The following BABAM2 variants were observed in gnomAD, a reference collection of about 807,000 sequenced individuals.
BABAM2 encodes the protein BRISC and BRCA1 A complex member 2, also known as BRISC and BRCA1-A complex member 2.
Under a neutral mutation model 54.7 loss-of-function variants are expected in BABAM2, and 31 were observed. The observed-to-expected ratio is 0.57, with a 90% confidence interval of 0.43 to 0.77. The LOEUF is 0.77. Ranked by LOEUF, BABAM2 falls within the 30% of genes least tolerant of loss-of-function variation. BABAM2 has a pLI of 0.00. For missense variants in BABAM2, 364 were observed against 455.8 expected (o/e 0.80, Z 1.83); for synonymous variants, 167 against 162.9 (o/e 1.03, Z -0.19).
intron 10 of BABAM2, among the ~76,000 whole-genome samples, chr2:28,277,385 G>A (rs758827995): frequency 9.9e-5 from 15 of 152,142 alleles, no homozygotes; most frequent in African/African-American, 1.4e-4. Flanking sequence ...GATTACAGAC[G>A]TGAGCCACTG....
Position 28,319,437 on chromosome 2 carries a change from G to A in BABAM2, c.1089-19013G>A, listed in dbSNP as rs561214568. Among the ~76,000 whole-genome samples the A allele has an allele frequency of 6.6e-5, 10 of 152,364 alleles. No individual in the cohort carries two copies. In the East Asian group the frequency reaches 9.6e-4, roughly 15 times the overall value. ...CTCTCTTGGCCTGATGCCTTTGTGCGGGGCAGAAGCTGCACTTCCAAATGC... is the reference window on the plus strand; with the variant it reads ...CTCTCTTGGCCTGATGCCTTTGTGCAGGGCAGAAGCTGCACTTCCAAATGC... On this transcript the variant is annotated intron_variant, in intron 11 of 11. Transcript: ENST00000379624.
chr2:28,159,550 G>A (rs1274236923), intron 7 of BABAM2, among the ~76,000 whole-genome samples: 1 of 152,232 alleles, frequency 6.6e-6, no homozygotes, highest in Non-Finnish European at 1.5e-5. Flanking sequence ...GGCATTTTTA[G>A]GGCACTGTGA....
chr2:28,009,856 T>C (rs1291291557), intron 4 of BABAM2, among the ~76,000 whole-genome samples: 1 of 152,172 alleles, frequency 6.6e-6, no homozygotes, highest in Admixed American at 6.5e-5. Flanking sequence ...AAAGGTTTAC[T>C]GGCCAGAGGC....
At position 28,338,613 on chromosome 2, in the gene BABAM2, C is replaced by T; in HGVS notation, c.*100C>T. The T allele has an allele frequency of 7.1e-7, 1 of 1,415,598 alleles. No homozygotes were observed. The highest frequency in any genetic ancestry group is 9.9e-7 in the Non-Finnish European group (1 of 1,006,924). The allele number at this position is 1,415,598 out of a possible 1,614,324, so 87.7% of individuals were successfully genotyped here. ...GAAGCCGCCTGGAATGTCTTCACGG[C>T]AGCGTTTTGCTCACACAGCAGCTTT... is the stretch of plus-strand genomic sequence containing the variant. On this transcript the variant is annotated 3_prime_UTR_variant, in exon 12 of 12. Transcript: ENST00000379624.
chr2:28,260,941 C>CT (rs34766123), intron 10 of BABAM2, among the ~76,000 whole-genome samples: 13,506 of 110,564 alleles, frequency 0.12, 1,218 homozygotes, highest in African/African-American at 0.25. Context: ...CATTTTCTTT[C>CT]TTTTTTTTTT....
At chr2:28,194,698 T>A (rs1234085816) in intron 7 of BABAM2, among the ~76,000 whole-genome samples, 1 of 148,866 alleles carries the variant, frequency 6.7e-6, no homozygotes, top group Non-Finnish European at 1.5e-5. Flanking sequence ...TTAGCTGGAA[T>A]TACAGGCACG....
intron 4 of BABAM2, among the ~76,000 whole-genome samples, chr2:28,013,886 G>GT (rs973186416): frequency 2.6e-5 from 4 of 151,966 alleles, no homozygotes; most frequent in Non-Finnish European, 4.4e-5. Context: ...AAACAGTTGA[G>GT]TTTTTCTGGA....
At chr2:28,054,589 A>G (rs914882387) in intron 6 of BABAM2, among the ~76,000 whole-genome samples, 10 of 152,188 alleles carry the variant, frequency 6.6e-5, no homozygotes, top group Admixed American at 6.5e-4. Flanking sequence ...CCCTTATGAA[A>G]GAAGCCCTAG....
chr2:28,056,605 C>A (rs1379552984), intron 6 of BABAM2, among the ~76,000 whole-genome samples: 1 of 152,084 alleles, frequency 6.6e-6, no homozygotes, highest in Non-Finnish European at 1.5e-5. Context: ...TAAGTACAGT[C>A]TATTCTTCTA....
chr2:28,308,653 C>T (rs1347145101), intron 11 of BABAM2: 2 of 316,876 alleles, frequency 6.3e-6, no homozygotes, highest in Admixed American at 4.1e-5. Flanking sequence ...AAGCATAGGT[C>T]CTCTGACCCT....
At chr2:28,093,182 A>AT (rs1286768002) in intron 6 of BABAM2, among the ~76,000 whole-genome samples, 1 of 152,090 alleles carries the variant, frequency 6.6e-6, no homozygotes, top group Non-Finnish European at 1.5e-5. Context: ...CACAAAGAGT[A>AT]TTTTTTATGC....
Position 27,974,176 on chromosome 2 carries a change from A to C in BABAM2, c.206-13817A>C, listed in dbSNP as rs559041024. Among the ~76,000 whole-genome samples the C allele has an allele frequency of 1.7e-4, 26 of 152,322 alleles. No individual in the cohort carries two copies. The East Asian group carries it at 4.6e-3, about 27-fold the overall frequency. ...ATCCAGAAATTGAAAAGGATACAAC[A>C]GTTTCTATCTTACTTTATGAGGCTG... On this transcript the variant is annotated intron_variant, in intron 3 of 11. Transcript: ENST00000379624.
At chr2:28,053,951 A>G (rs1200325208) in intron 6 of BABAM2, among the ~76,000 whole-genome samples, 4 of 152,256 alleles carry the variant, frequency 2.6e-5, no homozygotes, top group Admixed American at 6.5e-5. Flanking sequence ...CATTATGTGT[A>G]TAGAAACATC....
chr2:28,010,307 T>G (rs1049828791), intron 4 of BABAM2, among the ~76,000 whole-genome samples: 6 of 152,156 alleles, frequency 3.9e-5, no homozygotes, highest in Non-Finnish European at 1.5e-5. Context: ...AAATATAGAT[T>G]CTGTTTTTCC....
At chr2:27,988,326 G>A (rs967023834) in intron 4 of BABAM2, among the ~76,000 whole-genome samples, 1 of 151,996 alleles carries the variant, frequency 6.6e-6, no homozygotes, top group African/African-American at 2.4e-5. Context: ...CTAGCATATT[G>A]GTTGAAATAT....
In BABAM2 at chr2:27,904,656, T is replaced by C. The variant is rs145329250; in HGVS notation, c.128+9972T>C. Among the ~76,000 whole-genome samples the C allele has an allele frequency of 1.3e-3, 205 of 152,282 alleles. 1 individual carries two copies. The highest frequency in any genetic ancestry group is 4.5e-3 in the African/African-American group (186 of 41,544). On this transcript the variant is annotated intron_variant, in intron 2 of 11. Transcript: ENST00000379624. ...AGAGACAATGCAAGGTACAGAAGAA[T>C]TTTTTTAAAGCTATAATTAATATCC...
At chr2:28,099,137 A>C (rs1666857152) in intron 6 of BABAM2, among the ~76,000 whole-genome samples, 1 of 152,216 alleles carries the variant, frequency 6.6e-6, no homozygotes, top group South Asian at 2.1e-4. Flanking sequence ...AAAGTAATAA[A>C]TTGACTTCTT....
chr2:28,282,073 GA>G lies in BABAM2; in HGVS notation c.935-16264del, dbSNP rs150038017. Among the ~76,000 whole-genome samples the G allele has an allele frequency of 7.2e-3, 1,092 of 152,274 alleles. 9 individuals carry two copies. The highest frequency in any genetic ancestry group is 0.025 in the African/African-American group (1,035 of 41,548). On this transcript the variant is annotated intron_variant, in intron 10 of 11. Transcript: ENST00000379624. ...GGCATGTTAAGCAGATGGAGAAAAA[GA>G]GGCAGTAAAAAATTTAAAAGGAAGA... is the stretch of plus-strand genomic sequence containing the variant.
At chr2:28,124,285 A>G (rs1213167219) in intron 6 of BABAM2, among the ~76,000 whole-genome samples, 3 of 152,194 alleles carry the variant, frequency 2.0e-5, no homozygotes, top group African/African-American at 7.2e-5. Flanking sequence ...TTAGTTTTAG[A>G]TGTTTGACGA....
Sources: allele counts gnomAD v4.1 joint callset (sites outside exome capture counted in the v4.1 genomes callset), GRCh38; gene constraint gnomAD v4.1.1; transcripts MANE v1.5; gene names NCBI Gene and HGNC (gene_info 2026-07-23, HGNC 2026-07-21).